Variants in HDAC9 observed in about 807,000 individuals in gnomAD.
The protein encoded by HDAC9 is histone deacetylase 9.
A neutral mutation model predicts 139.4 loss-of-function variants in HDAC9; 41 were observed. That is an observed-to-expected ratio of 0.29 (90% CI 0.23 to 0.38). HDAC9 has a LOEUF of 0.38. Ranked by LOEUF, HDAC9 falls within the 10% of genes least tolerant of loss-of-function variation. HDAC9 has a pLI of 1.00. For missense variants in HDAC9, 1,147 were observed against 1,297.0 expected (o/e 0.88, Z 1.78); for synonymous variants, 517 against 476.2 (o/e 1.09, Z -1.12).
chr7:18,696,337 T>G (rs1030595062), intron 12 of HDAC9, among the ~76,000 whole-genome samples: 1 of 148,560 alleles, frequency 6.7e-6, no homozygotes, highest in Non-Finnish European at 1.5e-5. Context: ...ATTATATACT[T>G]GTATATATTA....
At chr7:18,883,657 T>C (rs1799903929) in intron 22 of HDAC9, among the ~76,000 whole-genome samples, 1 of 152,130 alleles carries the variant, frequency 6.6e-6, no homozygotes. Context: ...TCGCCACTTC[T>C]ATTCAGCATA....
chr7:18,470,315 TA>T lies in HDAC9; in HGVS notation c.-41-25936del, dbSNP rs935467967. 5.7e-4 allele frequency among the ~76,000 whole-genome samples: 82 copies of T among 144,936 alleles called. 1 individual carries two copies. The highest frequency in any genetic ancestry group is 4.8e-4 in the Admixed American group (7 of 14,514). On this transcript the variant is annotated intron_variant, in intron 1 of 3. Coordinates refer to the HDAC9 transcript ENST00000413509. Reference sequence around the variant, plus strand: ...GTGACAGAGGGAGACCCCCAACTCTTAAAAAAAAAAAGAAGCCAAACCAAAA... The same window carrying T: ...GTGACAGAGGGAGACCCCCAACTCTTAAAAAAAAAAGAAGCCAAACCAAAA...
chr7:18,569,677 TTTTC>T (rs1464109701), intron 2 of HDAC9, among the ~76,000 whole-genome samples: 1 of 152,208 alleles, frequency 6.6e-6, no homozygotes, highest in Admixed American at 6.5e-5. Context: ...AATTATTACA[TTTTC>T]TTATGCCAAA....
chr7:18,634,766 C>G, intron 8 of HDAC9, 24 bp downstream of exon 8: 1 of 1,438,792 alleles, frequency 7.0e-7, no homozygotes, highest in Non-Finnish European at 9.6e-7. Flanking sequence ...TATTTTGTTT[C>G]TTTTAAAAAC....
intron 2 of HDAC9, among the ~76,000 whole-genome samples, chr7:18,256,984 G>GAAAC (rs1012440934): frequency 5.3e-5 from 8 of 152,114 alleles, no homozygotes; most frequent in African/African-American, 1.9e-4. Flanking sequence ...AGCTACTTGG[G>GAAAC]AAACTGAGGT....
chr7:18,933,323 A>G (rs1203028686), intron 22 of HDAC9, among the ~76,000 whole-genome samples: 2 of 152,066 alleles, frequency 1.3e-5, no homozygotes, highest in Admixed American at 1.3e-4. Flanking sequence ...TTAAGGGTAC[A>G]AATCTAATTT....
At chr7:18,582,500 C>T (rs1828125974) in intron 2 of HDAC9, among the ~76,000 whole-genome samples, 1 of 151,754 alleles carries the variant, frequency 6.6e-6, no homozygotes, top group Non-Finnish European at 1.5e-5. Context: ...ATTTTGACTA[C>T]ATTGCTTATA....
chr7:18,227,203 C>T (rs562743010), intron 2 of HDAC9, among the ~76,000 whole-genome samples: 13 of 152,128 alleles, frequency 8.5e-5, no homozygotes, highest in Non-Finnish European at 1.8e-4. Flanking sequence ...TTTAATTAGC[C>T]TTCTCCCATT....
At chr7:18,229,695 A>G (rs1259370717) in intron 2 of HDAC9, among the ~76,000 whole-genome samples, 2 of 152,176 alleles carry the variant, frequency 1.3e-5, no homozygotes, top group African/African-American at 2.4e-5. Context: ...GTGAGATACA[A>G]AATGCCCTCT....
intron 12 of HDAC9, among the ~76,000 whole-genome samples, chr7:18,723,404 A>G (rs1035617151): frequency 2.0e-4 from 30 of 152,190 alleles, no homozygotes; most frequent in African/African-American, 7.2e-4. Flanking sequence ...TTTGTTGCCA[A>G]CCCACAACAT....
At chr7:18,838,994 T>C (rs1302691853) in intron 21 of HDAC9, among the ~76,000 whole-genome samples, 4 of 151,980 alleles carry the variant, frequency 2.6e-5, no homozygotes, top group African/African-American at 9.7e-5. Flanking sequence ...TTAAATAGAA[T>C]TTAAAAAATA....
chr7:18,599,209 A>G (rs1307529570), intron 6 of HDAC9, among the ~76,000 whole-genome samples: 2 of 152,164 alleles, frequency 1.3e-5, no homozygotes, highest in Non-Finnish European at 1.5e-5. Flanking sequence ...GAGTTCCCAT[A>G]TTGTTGCCTC....
intron 13 of HDAC9, among the ~76,000 whole-genome samples, chr7:18,746,246 T>A (rs965349537): frequency 2.0e-5 from 3 of 152,238 alleles, no homozygotes; most frequent in African/African-American, 7.2e-5. Flanking sequence ...TTTTATTTTA[T>A]GAAACTATAG....
intron 21 of HDAC9, among the ~76,000 whole-genome samples, chr7:18,856,884 A>G (rs1333788918): frequency 1.3e-5 from 2 of 152,170 alleles, no homozygotes; most frequent in East Asian, 1.9e-4. Context: ...AAGCATAGGT[A>G]GTATTCATTT....
At chr7:18,906,063 C>A (rs901690647) in intron 22 of HDAC9, among the ~76,000 whole-genome samples, 4 of 146,104 alleles carry the variant, frequency 2.7e-5, no homozygotes, top group Non-Finnish European at 4.5e-5. Context: ...CTTTTCTCTC[C>A]TTTTGCTTTG....
chr7:18,154,121 T>C (rs1006581173), intron 1 of HDAC9, among the ~76,000 whole-genome samples: 7 of 152,238 alleles, frequency 4.6e-5, no homozygotes, highest in African/African-American at 1.7e-4. Context: ...CCTTCACATT[T>C]CTATAAAATG....
chr7:18,938,351 T>G (rs1781795609), intron 23 of HDAC9, among the ~76,000 whole-genome samples: 1 of 152,006 alleles, frequency 6.6e-6, no homozygotes, highest in Admixed American at 6.6e-5. Context: ...ATCGCAGCAC[T>G]TTGGGAGGCC....
chr7:18,354,674 T>C (rs1783115509), intron 1 of HDAC9, among the ~76,000 whole-genome samples: 1 of 152,168 alleles, frequency 6.6e-6, no homozygotes, highest in African/African-American at 2.4e-5. Flanking sequence ...TCTTCTTTTG[T>C]CTAATTTGTT....
At chr7:18,118,008 C>G (rs1031934171) in intron 1 of HDAC9, among the ~76,000 whole-genome samples, 15 of 152,190 alleles carry the variant, frequency 9.9e-5, no homozygotes, top group African/African-American at 3.6e-4. Context: ...TTACAGATCT[C>G]TCTGAGTCTC....
Sources: allele counts gnomAD v4.1 joint callset (sites outside exome capture counted in the v4.1 genomes callset), GRCh38; gene constraint gnomAD v4.1.1; transcripts MANE v1.5; gene names NCBI Gene and HGNC (gene_info 2026-07-23, HGNC 2026-07-21).